Variants in RAPH1 observed in about 807,000 individuals in gnomAD.
RAPH1 encodes the protein Ras association (RalGDS/AF-6) and pleckstrin homology domains 1.
In RAPH1, 18 loss-of-function variants were observed where a neutral mutation model predicts 88.1. That is an observed-to-expected ratio of 0.20 (90% CI 0.14 to 0.30). The LOEUF is 0.30. RAPH1 is among the 10% of genes least tolerant of loss of function. The pLI is 1.00. For synonymous variants in RAPH1, 587 were observed against 559.0 expected (o/e 1.05, Z -0.71); for missense variants, 1,448 against 1,543.2 (o/e 0.94, Z 1.03).
chr2:203,520,240 G>A (rs1160848855), intron 1 of RAPH1, among the ~76,000 whole-genome samples: 2 of 152,098 alleles, frequency 1.3e-5, no homozygotes, highest in South Asian at 4.2e-4. Context: ...GCTGAGGTGG[G>A]AGGATCACTG....
At chr2:203,528,740 A>C (rs1359664238) in intron 1 of RAPH1, among the ~76,000 whole-genome samples, 1 of 151,940 alleles carries the variant, frequency 6.6e-6, no homozygotes. Flanking sequence ...AGGGTAAAAA[A>C]ATTTTGAACC....
At chr2:203,514,578 G>A (rs1480482873) in intron 1 of RAPH1, among the ~76,000 whole-genome samples, 5 of 151,718 alleles carry the variant, frequency 3.3e-5, no homozygotes, top group African/African-American at 7.3e-5. Context: ...TTTTTAAGAC[G>A]GAGTCTCGCT....
intron 13 of RAPH1, chr2:203,441,771 C>T (rs1035047823): frequency 1.2e-5 from 15 of 1,274,248 alleles, no homozygotes; most frequent in South Asian, 7.9e-5. Context: ...CCCTCTGTGG[C>T]GGTCCTCTGA....
chr2:203,502,189 G>C (rs1688767710), intron 1 of RAPH1, among the ~76,000 whole-genome samples: 1 of 152,184 alleles, frequency 6.6e-6, no homozygotes, highest in Non-Finnish European at 1.5e-5. Context: ...AGAGTGAGCT[G>C]ACACCTGGAA....
chr2:203,449,236 T>G (rs2098512683), intron 10 of RAPH1, among the ~76,000 whole-genome samples: 1 of 152,190 alleles, frequency 6.6e-6, no homozygotes, highest in Admixed American at 6.5e-5. Flanking sequence ...TGCAGAAGAC[T>G]CCAAATCAGA....
intron 4 of RAPH1, among the ~76,000 whole-genome samples, chr2:203,475,085 T>A (rs1257322341): frequency 6.6e-6 from 1 of 152,026 alleles, no homozygotes; most frequent in Admixed American, 6.6e-5. Context: ...TACTACAGCT[T>A]GAGCAACAGA....
At chr2:203,495,019 C>T (rs374207944) in intron 2 of RAPH1, 2 of 467,222 alleles carry the variant, frequency 4.3e-6, no homozygotes, top group East Asian at 3.3e-5. Context: ...CAGAGCCTCT[C>T]TCACAAGTAT....
chr2:203,516,510 A>AGGT (rs1689614033), intron 1 of RAPH1, among the ~76,000 whole-genome samples: 1 of 152,194 alleles, frequency 6.6e-6, no homozygotes, highest in Non-Finnish European at 1.5e-5. Flanking sequence ...AGATTTTGGG[A>AGGT]GGCCAAGGCG....
intron 4 of RAPH1, among the ~76,000 whole-genome samples, chr2:203,472,280 G>A (rs201088583): frequency 1.3e-5 from 2 of 152,186 alleles, no homozygotes; most frequent in South Asian, 2.1e-4. Context: ...TCACAGGCAT[G>A]GGCCACCACA....
At chr2:203,493,518 A>G (rs1247796192) in intron 2 of RAPH1, among the ~76,000 whole-genome samples, 1 of 152,228 alleles carries the variant, frequency 6.6e-6, no homozygotes, top group African/African-American at 2.4e-5. Context: ...TGCATAGCCT[A>G]GTGATAATCT....
At chr2:203,460,312 C>T (rs555721541) in intron 6 of RAPH1, among the ~76,000 whole-genome samples, 2 of 152,288 alleles carry the variant, frequency 1.3e-5, no homozygotes, top group East Asian at 3.9e-4. Flanking sequence ...ATTTTCCCAT[C>T]CCACCCTTAA....
At chr2:203,509,072 T>A (rs1204950438) in intron 1 of RAPH1, among the ~76,000 whole-genome samples, 1 of 148,684 alleles carries the variant, frequency 6.7e-6, no homozygotes, top group African/African-American at 2.5e-5. Flanking sequence ...AATAATTTTT[T>A]TTTTTTTTTT....
intron 1 of RAPH1, among the ~76,000 whole-genome samples, chr2:203,527,329 T>G (rs966363070): frequency 6.6e-6 from 1 of 152,222 alleles, no homozygotes; most frequent in African/African-American, 2.4e-5. Flanking sequence ...CAAAGTAACA[T>G]AAGTATTCTG....
At chr2:203,505,938 T>C (rs1004373085) in intron 1 of RAPH1, among the ~76,000 whole-genome samples, 4 of 152,222 alleles carry the variant, frequency 2.6e-5, no homozygotes, top group African/African-American at 9.6e-5. Flanking sequence ...AGACAGCTGA[T>C]GTTGTGCATG....
At chr2:203,458,908 G>A (rs759153937) in intron 7 of RAPH1, among the ~76,000 whole-genome samples, 10 of 151,994 alleles carry the variant, frequency 6.6e-5, no homozygotes, top group Non-Finnish European at 1.0e-4. Flanking sequence ...GACTACAGGC[G>A]CCCGACACCA....
intron 1 of RAPH1, among the ~76,000 whole-genome samples, chr2:203,513,545 A>AG (rs1444841948): frequency 2.0e-5 from 3 of 149,080 alleles, no homozygotes; most frequent in Non-Finnish European, 4.5e-5. Context: ...AAAAAAAAAA[A>AG]AAAAAAAAGG....
At chr2:203,451,613 T>G (rs1009710923) in intron 10 of RAPH1, among the ~76,000 whole-genome samples, 7 of 152,196 alleles carry the variant, frequency 4.6e-5, no homozygotes, top group Non-Finnish European at 8.8e-5. Flanking sequence ...TTTAGATTCT[T>G]AAGAGAGTCC....
rs1234999377 is a variant in RAPH1, at chr2:203,439,384, G to A, written c.*53C>T. On this transcript the variant is annotated 3_prime_UTR_variant, in exon 14 of 14. Coordinates refer to ENST00000319170, the MANE Select transcript of RAPH1 (RefSeq NM_213589.3). ...CACCTGAATTCACAGATGATCAGGT[G>A]AGCTGATTGTAGCAGTGATTACAGA... is the stretch of plus-strand genomic sequence containing the variant. 1.3e-6 allele frequency: 2 copies of A among 1,533,700 alleles called. No individual in the cohort carries two copies. The highest frequency in any genetic ancestry group is 1.8e-6 in the Non-Finnish European group (2 of 1,118,976).
At chr2:203,508,990 A>C (rs1229800749) in intron 1 of RAPH1, among the ~76,000 whole-genome samples, 1 of 152,128 alleles carries the variant, frequency 6.6e-6, no homozygotes, top group Admixed American at 6.6e-5. Flanking sequence ...CTTATTTATA[A>C]AAATTTAGCA....
Sources: gnomAD v4.1 joint callset for allele counts (sites outside exome capture counted in the v4.1 genomes callset) on GRCh38, gnomAD v4.1.1 for gene constraint, MANE v1.5 for transcripts, NCBI Gene and HGNC (gene_info 2026-07-23, HGNC 2026-07-21) for gene names.